CCDC88C: variants seen among roughly 807,000 people sequenced by gnomAD.
CCDC88C encodes protein Daple.
A neutral mutation model predicts 198.8 loss-of-function variants in CCDC88C; 131 were observed. The observed-to-expected ratio is 0.66, with a 90% CI of 0.57 to 0.76. The LOEUF is 0.76. CCDC88C is among the 30% of genes least tolerant of loss of function. The probability of loss-of-function intolerance (pLI) is 0.00; values close to 1 mark genes in which losing one functional copy is unlikely to be tolerated. For synonymous variants in CCDC88C, 1,166 were observed against 1,114.7 expected (o/e 1.05, Z -0.92); for missense variants, 2,553 against 2,631.6 (o/e 0.97, Z 0.65).
At position 91,337,530 on chromosome 14, in the gene CCDC88C, A is replaced by G. The variant is rs186688517; in HGVS notation, c.1050+475T>C. Among the ~76,000 whole-genome samples the G allele has an allele frequency of 9.6e-4, 146 of 152,268 alleles. 1 individual carries two copies. Among genetic ancestry groups the G allele is most frequent in the Non-Finnish European group, 1.9e-3 (128 of 68,022 alleles). On this transcript the variant is annotated intron_variant, in intron 10 of 29. Coordinates refer to ENST00000389857, the MANE Select transcript of CCDC88C (RefSeq NM_001080414.4). Reference sequence around the variant, plus strand: ...AAATTTTTTTATTTTTTGTAGAGACAGAGTCTTGCTATGTTGCCCAGGCTG... The same window carrying G: ...AAATTTTTTTATTTTTTGTAGAGACGGAGTCTTGCTATGTTGCCCAGGCTG...
In CCDC88C at chr14:91,273,034, T is replaced by G. The variant is rs939890579; in HGVS notation, c.5678A>C (p.Glu1893Ala). ...CTGATGCAGGGGGGCCAGCCTCTCC[T>G]CCTTTGGGGGAGCCAGGGAGAAGCG... ...TRRFSLAPPK[E>A]ERLAPLHQSA... is the part of the protein sequence containing the mutation. The change falls in exon 30 of 30, where the codon GAG (glutamate) becomes GCG (alanine). Residue 1893 changes from glutamate to alanine, a missense_variant. Physicochemically the swap from Glu to Ala is moderately radical, Grantham distance 107. Around this residue, in one of 2 missense-constraint regions of CCDC88C, gnomAD observed 1,293 missense variants for 1,219.6 expected, o/e 1.06. Coordinates refer to ENST00000389857, the MANE Select transcript of CCDC88C (RefSeq NM_001080414.4). This position sits in a 1 kb window ranked among gnomAD's most constrained non-coding sequence, Gnocchi z 5.6. 6 of 1,555,598 alleles carry G rather than the reference T, an allele frequency of 3.9e-6. No individual in the cohort carries two copies. Among genetic ancestry groups the G allele is most frequent in the Non-Finnish European group, 5.2e-6 (6 of 1,153,828 alleles).
chr14:91,368,571 C>T (rs17127280), intron 3 of CCDC88C, among the ~76,000 whole-genome samples: 4,978 of 152,256 alleles, frequency 0.033, 308 homozygotes, highest in African/African-American at 0.11. Context: ...AGGCCCCACA[C>T]GTATTCCAGT....
At chr14:91,353,561 A>G (rs1409646228) in intron 4 of CCDC88C, among the ~76,000 whole-genome samples, 1 of 152,222 alleles carries the variant, frequency 6.6e-6, no homozygotes. Flanking sequence ...AAGATGAGGA[A>G]GGATGAAAAG....
chr14:91,363,945 T>C (rs1444309206), intron 3 of CCDC88C, among the ~76,000 whole-genome samples: 1 of 152,280 alleles, frequency 6.6e-6, no homozygotes, highest in African/African-American at 2.4e-5. Flanking sequence ...CAGCTGATGC[T>C]GTCCTGCCAG....
chr14:91,416,196 C>T (rs927928313), intron 2 of CCDC88C, among the ~76,000 whole-genome samples: 1 of 152,156 alleles, frequency 6.6e-6, no homozygotes, highest in Non-Finnish European at 1.5e-5. Context: ...CACCATGGGA[C>T]CCTCCTAACA....
chr14:91,297,428 C>T lies in CCDC88C; in HGVS notation c.3843G>A (p.Glu1281=), dbSNP rs1241747333. ...GCGCGTTGTTCAGTGAGGTTTTCAG[C>T]TCCTTGGTGTGGGCGTGCAGCTCCT... ...EYEELHAHTK[E]LKTSLNNAQL... is the part of the protein sequence containing the mutation. The change falls in exon 22 of 30, where the codon GAG becomes GAA. Residue 1281 remains glutamate, a synonymous_variant. Transcript: ENST00000389857. The T allele has an allele frequency of 6.2e-7, 1 of 1,605,438 alleles. No homozygotes were observed. The highest frequency in any genetic ancestry group is 8.5e-7 in the Non-Finnish European group (1 of 1,176,044).
At chr14:91,355,662 T>A (rs1463014746) in intron 4 of CCDC88C, among the ~76,000 whole-genome samples, 1 of 152,214 alleles carries the variant, frequency 6.6e-6, no homozygotes. Flanking sequence ...GTATACGAAG[T>A]ACTGTTTCAT....
Position 91,312,841 on chromosome 14 carries a change from C to T in CCDC88C, c.2736+239G>A, listed in dbSNP as rs7151428. 0.021 allele frequency among the ~76,000 whole-genome samples: 3,171 copies of T among 152,306 alleles called. 128 individuals are homozygous for T. The highest frequency in any genetic ancestry group is 0.072 in the African/African-American group (3,004 of 41,542). ...GTATGACATCAAGCATGTGTCTGTA[C>T]ACACGAGGGAAAATGATGAAACGAA... is the stretch of plus-strand genomic sequence containing the variant. On this transcript the variant is annotated intron_variant, in intron 15 of 29. Coordinates refer to ENST00000389857, the MANE Select transcript of CCDC88C (RefSeq NM_001080414.4).
Position 91,338,817 on chromosome 14 carries a change from G to T in CCDC88C, c.810-247C>A. 1.9e-6 allele frequency: 1 copy of T among 530,348 alleles called. No homozygotes were observed. The highest frequency in any genetic ancestry group is 1.9e-5 in the African/African-American group (1 of 52,432). 32.9% of individuals were successfully genotyped at this position (530,348 alleles called of 1,614,324 possible). On this transcript the variant is annotated intron_variant, in intron 8 of 29. Coordinates refer to ENST00000389857, the MANE Select transcript of CCDC88C (RefSeq NM_001080414.4). This position sits in a 1 kb window ranked among gnomAD's most constrained non-coding sequence, Gnocchi z 4.8. ...CACTCAGGTCTCCCTCCCTGTGTGTGGGGCAGGTAAGGAGACCCCAGCGGC... is the reference window on the plus strand; with the variant it reads ...CACTCAGGTCTCCCTCCCTGTGTGTTGGGCAGGTAAGGAGACCCCAGCGGC...
Position 91,313,719 on chromosome 14 carries a change from G to A in CCDC88C, c.2097C>T (p.Asn699=), listed in dbSNP as rs774964242. ...CCAGGTTCTCTGCGTCCAGCTGCTTGTTGTCACGCTCCAGGCCCTCAAGCT... is the reference window on the plus strand; with the variant it reads ...CCAGGTTCTCTGCGTCCAGCTGCTTATTGTCACGCTCCAGGCCCTCAAGCT... ...SLQLEGLERD[N]KQLDAENLEL... is the part of the protein sequence containing the mutation. The change falls in exon 15 of 30, where the codon AAC becomes AAT. Residue 699 remains asparagine, a synonymous_variant. Transcript: ENST00000389857. This position sits in a 1 kb window ranked among gnomAD's most constrained non-coding sequence, Gnocchi z 5.2. The A allele has an allele frequency of 1.9e-6, 3 of 1,610,240 alleles. No individual in the cohort carries two copies. Among genetic ancestry groups the A allele is most frequent in the South Asian group, 1.1e-5 (1 of 91,088 alleles).
At chr14:91,376,757 A>C (rs1357109739) in intron 3 of CCDC88C, among the ~76,000 whole-genome samples, 1 of 152,144 alleles carries the variant, frequency 6.6e-6, no homozygotes, top group Non-Finnish European at 1.5e-5. Context: ...AGGTAAGCCC[A>C]GTGTCGGTTC....
At chr14:91,304,402 G>A (rs995488513) in intron 19 of CCDC88C, among the ~76,000 whole-genome samples, 1 of 152,194 alleles carries the variant, frequency 6.6e-6, no homozygotes, top group Non-Finnish European at 1.5e-5. Flanking sequence ...GAGCAACATA[G>A]TGAGACCCCA....
intron 12 of CCDC88C, among the ~76,000 whole-genome samples, chr14:91,322,188 C>T (rs1187007090): frequency 6.6e-6 from 1 of 152,282 alleles, no homozygotes; most frequent in Non-Finnish European, 1.5e-5. Context: ...GCTAATACAG[C>T]GATTCCTCCC....
chr14:91,334,396 A>T (rs867221268), intron 10 of CCDC88C, among the ~76,000 whole-genome samples: 35 of 152,100 alleles, frequency 2.3e-4, no homozygotes, highest in African/African-American at 8.2e-4. Context: ...GCTGCCTGCC[A>T]CCAGAGCCGG....
intron 3 of CCDC88C, among the ~76,000 whole-genome samples, chr14:91,389,959 C>A (rs1413536668): frequency 6.6e-6 from 1 of 151,918 alleles, no homozygotes; most frequent in Admixed American, 6.6e-5. Context: ...GTAGTCCCAG[C>A]TCCTCGGGAG....
chr14:91,396,806 G>C (rs1415207170), intron 3 of CCDC88C, among the ~76,000 whole-genome samples: 61 of 152,124 alleles, frequency 4.0e-4, no homozygotes, highest in Admixed American at 4.0e-3. Flanking sequence ...ACCAGCCTGG[G>C]CAACACAGGG....
At position 91,339,868 on chromosome 14, in the gene CCDC88C, C is replaced by A; in HGVS notation, c.624+16G>T. The stretch of plus-strand genomic sequence containing the variant: ...CCCCTTCCCAGGCTGACCGGGCCAC[C>A]GACCCGCGGACGCACCTCGGTGCAC... On this transcript the variant is annotated intron_variant, in intron 7 of 29. Transcript: ENST00000389857. The surrounding 1 kb of genome is among the most constrained non-coding windows in gnomAD (Gnocchi z 5.8). The A allele has an allele frequency of 6.4e-7, 1 of 1,570,448 alleles. No individual in the cohort carries two copies. The highest frequency in any genetic ancestry group is 1.2e-5 in the South Asian group (1 of 85,782).
intron 2 of CCDC88C, 92 bp from the exon 3 acceptor site, chr14:91,408,859 C>T: frequency 1.3e-6 from 1 of 781,084 alleles, no homozygotes; most frequent in Non-Finnish European, 2.2e-6. Flanking sequence ...GTCCTCCAGT[C>T]CCTAGGTGAC....
intron 10 of CCDC88C, among the ~76,000 whole-genome samples, chr14:91,329,601 A>G (rs576322239): frequency 3.3e-5 from 5 of 152,082 alleles, no homozygotes; most frequent in Admixed American, 6.5e-5. Context: ...ACAGGCAAGC[A>G]TCAAGGTCTG....
Sources: gnomAD v4.1 joint callset for allele counts (sites outside exome capture counted in the v4.1 genomes callset) on GRCh38, gnomAD v4.1.1 for gene constraint, gnomAD v4.1.1 regional missense constraint, Gnocchi (gnomAD v3.1) non-coding constraint, MANE v1.5 for transcripts, NCBI Gene and HGNC (gene_info 2026-07-23, HGNC 2026-07-21) for gene names.